The following GSE1 variants were observed in gnomAD, a reference collection of about 807,000 sequenced individuals.
GSE1 encodes the protein genetic suppressor element 1.
In GSE1, 32 loss-of-function variants were observed where a neutral mutation model predicts 112.6. The ratio of observed to expected loss-of-function variants is 0.28; its 90% CI spans 0.21 to 0.38. The LOEUF is 0.38. Ranked by LOEUF, GSE1 falls within the 10% of genes least tolerant of loss-of-function variation. The probability of loss-of-function intolerance (pLI) is 1.00; values close to 1 mark genes in which losing one functional copy is unlikely to be tolerated. For missense variants in GSE1, 2,348 were observed against 1,699.2 expected (o/e 1.38, Z -6.71); for synonymous variants, 1,115 against 735.6 (o/e 1.52, Z -8.35).
At chr16:85,408,098 C>T (rs1195222832) in intron 2 of GSE1, among the ~76,000 whole-genome samples, 1 of 53,474 alleles carries the variant, frequency 1.9e-5, no homozygotes. Context: ...TCAGGGCCCC[C>T]CTGGATAATC....
intron 1 of GSE1, among the ~76,000 whole-genome samples, chr16:85,226,925 T>C (rs536977384): frequency 6.6e-6 from 1 of 151,918 alleles, no homozygotes; most frequent in South Asian, 2.1e-4. Context: ...AAAACTGAGG[T>C]TCTCCTTGCA....
chr16:85,354,750 G>A (rs1346520770), intron 1 of GSE1, among the ~76,000 whole-genome samples: 1 of 152,264 alleles, frequency 6.6e-6, no homozygotes, highest in East Asian at 1.9e-4. Flanking sequence ...CGCAGCAGGA[G>A]CCTCTGGGGC....
At chr16:85,441,561 C>A (rs1567489706) in intron 2 of GSE1, among the ~76,000 whole-genome samples, 1 of 152,186 alleles carries the variant, frequency 6.6e-6, no homozygotes, top group East Asian at 1.9e-4. Context: ...AGGCTGAAAT[C>A]GCTTCAACCT....
intron 1 of GSE1, among the ~76,000 whole-genome samples, chr16:85,289,329 A>C (rs1250994568): frequency 1.3e-5 from 2 of 152,140 alleles, no homozygotes; most frequent in African/African-American, 4.8e-5. Context: ...CAGTGAAAGA[A>C]GCAGCTGCCC....
chr16:85,311,428 C>G lies in GSE1; in HGVS notation c.2284-46035C>G, dbSNP rs368640320. 7.0e-6 allele frequency among the ~76,000 whole-genome samples: 1 copy of G among 143,388 alleles called. No homozygotes were observed. The highest frequency in any genetic ancestry group is 1.5e-5 in the Non-Finnish European group (1 of 64,874). The allele number at this position is 143,388 out of a possible 152,430, so 94.1% of individuals were successfully genotyped here. Reference sequence around the variant, plus strand: ...AGCAGCATCGGAGGCAACCTGCCCTCGTGGCACCACAAGAGAGCTGCTGGG... The same window carrying G: ...AGCAGCATCGGAGGCAACCTGCCCTGGTGGCACCACAAGAGAGCTGCTGGG... On this transcript the variant is annotated intron_variant, in intron 1 of 2. Transcript: ENST00000637419. The surrounding 1 kb of genome is among the most constrained non-coding windows in gnomAD (Gnocchi z 4.2).
rs180940789 is a variant in GSE1, at chr16:85,481,542, A to G, written c.2464+123899A>G. 7.7e-4 allele frequency among the ~76,000 whole-genome samples: 117 copies of G among 152,226 alleles called. 2 individuals carry two copies. The highest frequency in any genetic ancestry group is 2.6e-3 in the African/African-American group (108 of 41,538). On this transcript the variant is annotated intron_variant, in intron 2 of 2. Transcript: ENST00000637419. ...CCTCTTCCTTCCAGGTGGGGAGTTG[A>G]TTGAGATGCTTTTGTTTGGCTGGAA...
chr16:85,549,008 T>G (rs1437093439), intron 2 of GSE1, among the ~76,000 whole-genome samples: 1 of 152,098 alleles, frequency 6.6e-6, no homozygotes, highest in Non-Finnish European at 1.5e-5. Context: ...AGGATGGTCT[T>G]GATCTCTTGA....
intron 1 of GSE1, among the ~76,000 whole-genome samples, chr16:85,254,018 G>A (rs1053150266): frequency 2.4e-4 from 37 of 152,198 alleles, no homozygotes; most frequent in Non-Finnish European, 3.4e-4. Flanking sequence ...AAAAATAGAG[G>A]CCGAATTCCC....
chr16:85,286,406 C>G (rs563801202), intron 1 of GSE1, among the ~76,000 whole-genome samples: 11 of 152,318 alleles, frequency 7.2e-5, no homozygotes, highest in Non-Finnish European at 1.5e-4. Flanking sequence ...TGCCTCATCT[C>G]CCCTCAAATT....
chr16:85,618,739 C>T (rs2048536547), intron 1 of GSE1, among the ~76,000 whole-genome samples: 1 of 152,240 alleles, frequency 6.6e-6, no homozygotes, highest in Non-Finnish European at 1.5e-5. Context: ...CTCACCACAG[C>T]CTCAAACTCC....
intron 2 of GSE1, among the ~76,000 whole-genome samples, chr16:85,422,795 G>A (rs2048881875): frequency 6.6e-6 from 1 of 152,106 alleles, no homozygotes; most frequent in Admixed American, 6.5e-5. Context: ...CCTGGGTTTG[G>A]ACTCAGCAGA....
chr16:85,178,878 G>C (rs1377489492), intron 1 of GSE1, among the ~76,000 whole-genome samples: 1 of 148,378 alleles, frequency 6.7e-6, no homozygotes. Flanking sequence ...GGTGCGGGGG[G>C]TGGGCAGGGA....
intron 1 of GSE1, among the ~76,000 whole-genome samples, chr16:85,605,303 A>G (rs1390788525): frequency 1.3e-5 from 2 of 152,046 alleles, no homozygotes; most frequent in Non-Finnish European, 1.5e-5. Context: ...TCGGAGGAGA[A>G]AAGAGTTCCG....
chr16:85,651,152 C>T (rs1006652555), intron 3 of GSE1, among the ~76,000 whole-genome samples: 4 of 148,014 alleles, frequency 2.7e-5, no homozygotes, highest in African/African-American at 9.9e-5. Context: ...TGAAAAGCTG[C>T]CCACAGATGC....
At chr16:85,616,691 T>C (rs759773988) in intron 1 of GSE1, among the ~76,000 whole-genome samples, 7 of 151,704 alleles carry the variant, frequency 4.6e-5, no homozygotes. Flanking sequence ...TGGCTTTAAT[T>C]CCTCCCCCAG....
chr16:85,300,458 C>A (rs1038770191), intron 1 of GSE1, among the ~76,000 whole-genome samples: 2 of 152,218 alleles, frequency 1.3e-5, no homozygotes, highest in Non-Finnish European at 2.9e-5. Context: ...CTGTTCTCCT[C>A]CCAGCAGATC....
exon 1 of GSE1, chr16:85,556,165 T>G (rs1484701779): frequency 1.0e-6 from 1 of 982,712 alleles, no homozygotes; most frequent in Non-Finnish European, 1.2e-6. Flanking sequence ...AGACTGATTT[T>G]TTTTTTTCGT....
chr16:85,663,010 G>C lies in GSE1; in HGVS notation c.2290G>C (p.Asp764His). Residue 764 changes from aspartate (D) to histidine (H), a missense_variant, in exon 10 of 16, where the codon GAC (aspartate) becomes CAC (histidine). Physicochemically the swap from Asp to His is moderately conservative, Grantham distance 81. Coordinates refer to ENST00000253458, the MANE Select transcript of GSE1 (RefSeq NM_014615.5). ...CTACTACGACCTCGATGACTCTTAC[G>C]ACGAGAGCGATGAGGAGGAGGTCAG... ...GYYYDLDDSYDESDEEEVRAH... is the reference protein window; with the variant it reads ...GYYYDLDDSYHESDEEEVRAH... 1.9e-6 allele frequency: 3 copies of C among 1,612,830 alleles called. No individual in the cohort carries two copies. The highest frequency in any genetic ancestry group is 1.7e-6 in the Non-Finnish European group (2 of 1,179,326).
At chr16:85,580,671 C>T (rs1462921518) in intron 1 of GSE1, among the ~76,000 whole-genome samples, 1 of 152,214 alleles carries the variant, frequency 6.6e-6, no homozygotes, top group Non-Finnish European at 1.5e-5. Flanking sequence ...GAAGCCCCGA[C>T]CCTCAGGGTG....
Sources: gnomAD v4.1 joint callset for allele counts (sites outside exome capture counted in the v4.1 genomes callset) on GRCh38, gnomAD v4.1.1 for gene constraint, Gnocchi (gnomAD v3.1) non-coding constraint, MANE v1.5 for transcripts, NCBI Gene and HGNC (gene_info 2026-07-23, HGNC 2026-07-21) for gene names.